The following TMX4 variants were observed in gnomAD, a reference collection of about 807,000 sequenced individuals.
The protein encoded by TMX4 is thioredoxin-related transmembrane protein 4.
Under a neutral mutation model 33.3 loss-of-function variants are expected in TMX4, and 23 were observed. The observed-to-expected ratio is 0.69, with a 90% CI of 0.50 to 0.98. The LOEUF is 0.98. Ranked by LOEUF, TMX4 falls within the 50% of genes least tolerant of loss-of-function variation. TMX4 has a pLI of 0.00. For synonymous variants in TMX4, 164 were observed against 161.5 expected, an observed-to-expected ratio of 1.02 and a Z score of -0.12; for missense variants, 399 against 448.9, an observed-to-expected ratio of 0.89 and a Z score of 1.01.
intron 5 of TMX4, among the ~76,000 whole-genome samples, chr20:7,989,322 T>C (rs1286575459): frequency 3.3e-5 from 5 of 152,218 alleles, no homozygotes; most frequent in African/African-American, 1.2e-4. Flanking sequence ...CTGATTTATC[T>C]TACTCATATG....
intron 5 of TMX4, among the ~76,000 whole-genome samples, chr20:7,991,050 A>T (rs1282541922): frequency 1.3e-5 from 2 of 152,216 alleles, no homozygotes; most frequent in Admixed American, 1.3e-4. Context: ...TTTAAAATAC[A>T]CTTTGTTCTT....
rs545344570 is a variant in TMX4 at position 7,977,983 on chromosome 20, G to C, written c.*4268C>G. On this transcript the variant is annotated 3_prime_UTR_variant, in exon 8 of 8. Transcript: ENST00000246024. ...CTGCCCCATCAGGTTCAGCAGGCTTGATGACTCCAAATTTGGCTTTTTAAG... is the reference window on the plus strand; with the variant it reads ...CTGCCCCATCAGGTTCAGCAGGCTTCATGACTCCAAATTTGGCTTTTTAAG... 4 of 152,222 alleles carry C rather than the reference G, an allele frequency of 2.6e-5. No individual in the cohort carries two copies. Among genetic ancestry groups the C allele is most frequent in the Non-Finnish European group, 5.9e-5 (4 of 68,036 alleles). 9.4% of individuals were successfully genotyped at this position (152,222 alleles called of 1,614,324 possible). A position where few individuals can be genotyped will look rare whatever the true frequency, so the allele number is the denominator to read the frequency against.
chr20:8,002,833 T>C (rs771509269), intron 2 of TMX4, among the ~76,000 whole-genome samples: 7 of 152,196 alleles, frequency 4.6e-5, no homozygotes, highest in Admixed American at 6.5e-5. Flanking sequence ...TCAGACCAAG[T>C]GGATTCCAAA....
rs866757947 is a variant in TMX4 at position 8,015,173 on chromosome 20, T to A, written c.176+4265A>T. ...AAGTGGAGGAGGTGGATGGAAGTGG[T>A]AAGGATGACAAGTTTTAATGAGGCT... is the stretch of plus-strand genomic sequence containing the variant. On this transcript the variant is annotated intron_variant, in intron 1 of 7. Coordinates refer to ENST00000246024, the MANE Select transcript of TMX4 (RefSeq NM_021156.4). Among the ~76,000 whole-genome samples the A allele has an allele frequency of 2.1e-4, 32 of 152,244 alleles. 1 individual carries two copies. The highest frequency in any genetic ancestry group is 1.5e-5 in the Non-Finnish European group (1 of 68,010).
At chr20:8,006,582 GTAAA>G (rs1568538114) in intron 2 of TMX4, among the ~76,000 whole-genome samples, 4 of 152,074 alleles carry the variant, frequency 2.6e-5, no homozygotes, top group African/African-American at 7.2e-5. Context: ...TTTGTAAAAA[GTAAA>G]TAAATAAACT....
chr20:8,007,126 A>C (rs2050734366), intron 2 of TMX4, among the ~76,000 whole-genome samples: 1 of 152,148 alleles, frequency 6.6e-6, no homozygotes. Flanking sequence ...GCACATACAG[A>C]TCATAGATAA....
rs4816035 is a variant in TMX4 at position 7,986,152 on chromosome 20, G to A, written c.615+1136C>T. On this transcript the variant is annotated intron_variant, in intron 6 of 7. Transcript: ENST00000246024. ...TATCCGGTGTCAAATCCCTTTAGAC[G>A]GGAGCAATGGGGACATGTTAATTAG... Among the ~76,000 whole-genome samples the A allele has an allele frequency of 9.6e-3, 1,467 of 152,230 alleles. 46 individuals carry two copies. Among genetic ancestry groups the A allele is most frequent in the East Asian group, 0.065 (335 of 5,186 alleles).
rs780672703 is a variant in TMX4 at position 8,006,212 on chromosome 20, A to C, written c.292+3988T>G. ...CACAAAGAAGCAAGCCACACCCCCA[A>C]CGCACACCCTGTGAGGGAAGAAGGG... On this transcript the variant is annotated intron_variant, in intron 2 of 7. Transcript: ENST00000246024. Among the ~76,000 whole-genome samples, 20 of 151,006 alleles carry C rather than the reference A, an allele frequency of 1.3e-4. No individual in the cohort carries two copies. In the South Asian group the frequency reaches 2.3e-3, roughly 17 times the overall value.
At chr20:7,990,944 C>T (rs2050651928) in intron 5 of TMX4, among the ~76,000 whole-genome samples, 1 of 152,192 alleles carries the variant, frequency 6.6e-6, no homozygotes, top group South Asian at 2.1e-4. Flanking sequence ...ACCACTGTCT[C>T]ACTATAACAT....
At chr20:7,993,800 C>T (rs539400487) in intron 5 of TMX4, among the ~76,000 whole-genome samples, 16 of 151,990 alleles carry the variant, frequency 1.1e-4, no homozygotes, top group South Asian at 6.2e-4. Context: ...CACACACACA[C>T]GGAGATCAAA....
At chr20:8,006,325 G>A (rs2050730424) in intron 2 of TMX4, among the ~76,000 whole-genome samples, 1 of 152,204 alleles carries the variant, frequency 6.6e-6, no homozygotes, top group Non-Finnish European at 1.5e-5. Context: ...TGATGGAAGA[G>A]TTATAAGAAT....
At chr20:7,991,246 G>T (rs933150287) in intron 5 of TMX4, among the ~76,000 whole-genome samples, 1 of 152,116 alleles carries the variant, frequency 6.6e-6, no homozygotes, top group Non-Finnish European at 1.5e-5. Context: ...CTCTCAAAAC[G>T]ACAGTAACAT....
chr20:7,987,061 A>G (rs555000884), intron 6 of TMX4, among the ~76,000 whole-genome samples: 1 of 150,436 alleles, frequency 6.6e-6, no homozygotes, highest in Non-Finnish European at 1.5e-5. Context: ...GGCAGTACAC[A>G]TCTTCAAAAT....
At chr20:7,983,938 T>C in intron 6 of TMX4, 81 bp from the exon 7 acceptor site, 2 of 982,750 alleles carry the variant, frequency 2.0e-6, no homozygotes, top group East Asian at 2.5e-5. Flanking sequence ...CTTGCTTCTA[T>C]AATCAGATAT....
intron 4 of TMX4, among the ~76,000 whole-genome samples, chr20:7,996,829 T>C (rs966375219): frequency 6.6e-6 from 1 of 152,148 alleles, no homozygotes; most frequent in Non-Finnish European, 1.5e-5. Flanking sequence ...GGACCTCACA[T>C]GACCCTCCAG....
In TMX4 at chr20:7,980,020, C is replaced by A. The variant is rs1170415200; in HGVS notation, c.*2231G>T. ...AGTTTTGATTGCACTGTAACTGCCA[C>A]CTGTCAAATGAGGTCAGGTGTAAAA... On this transcript the variant is annotated 3_prime_UTR_variant, in exon 8 of 8. Transcript: ENST00000246024. 2 of 152,100 alleles carry A rather than the reference C, an allele frequency of 1.3e-5. No individual in the cohort carries two copies. The highest frequency in any genetic ancestry group is 4.8e-5 in the African/African-American group (2 of 41,398). The allele number at this position is 152,100 out of a possible 1,614,324, so 9.4% of individuals were successfully genotyped here.
rs144248008 is a variant in TMX4 at position 7,982,460 on chromosome 20, C to G, written c.841G>C (p.Glu281Gln). The stretch of plus-strand genomic sequence containing the variant: ...ACACCAGCAGCCAAGTTGTCCTCCT[C>G]CTCTTCTTCCTCTGCTTCATCCTCA... ...GDEDEAEEEEEEDNLAAGVDE... is the reference protein window; with the variant it reads ...GDEDEAEEEEQEDNLAAGVDE... Residue 281 changes from glutamate (E) to glutamine (Q), a missense_variant, in exon 8 of 8, where the codon GAG becomes CAG. Physicochemically the swap from Glu to Gln is conservative, Grantham distance 29. Transcript: ENST00000246024. The G allele has an allele frequency of 1.9e-5, 30 of 1,614,032 alleles. No homozygotes were observed. The African/African-American group carries it at 3.9e-4, about 21-fold the overall frequency.
In TMX4 at chr20:8,010,306, T is replaced by C. The variant is rs749779013; in HGVS notation, c.186A>G (p.Pro62=). ...EGEWMLKFYA[P]WCPSCQQTDS... Reference sequence around the variant, plus strand: ...CAGTCTGCTGGCAGGATGGACACCATGGGGCGTAACTATAAGAGAAGAATA... The same window carrying C: ...CAGTCTGCTGGCAGGATGGACACCACGGGGCGTAACTATAAGAGAAGAATA... Residue 62 remains proline, a synonymous_variant, in exon 2 of 8, where the codon CCA becomes CCG. Coordinates refer to ENST00000246024, the MANE Select transcript of TMX4 (RefSeq NM_021156.4). 1.2e-6 allele frequency: 2 copies of C among 1,608,972 alleles called. No homozygotes were observed. The highest frequency in any genetic ancestry group is 1.7e-6 in the Non-Finnish European group (2 of 1,176,804).
At chr20:7,985,275 A>AT (rs765629650) in intron 6 of TMX4, among the ~76,000 whole-genome samples, 1,612 of 96,442 alleles carry the variant, frequency 0.017, 41 homozygotes, top group African/African-American at 0.084. Context: ...ATATATATAT[A>AT]TATTTTTTTT....
Sources: allele counts gnomAD v4.1 joint callset (sites outside exome capture counted in the v4.1 genomes callset), GRCh38; gene constraint gnomAD v4.1.1; transcripts MANE v1.5; gene names NCBI Gene and HGNC (gene_info 2026-07-23, HGNC 2026-07-21).